The following DGKB variants were observed in gnomAD, a reference collection of about 807,000 sequenced individuals.
DGKB encodes 90 kDa diacylglycerol kinase.
DGKB carries 67 observed loss-of-function variants against 114.3 expected under a neutral mutation model. That is an observed-to-expected ratio of 0.59 (90% CI 0.48 to 0.72). The LOEUF (loss-of-function observed/expected upper bound fraction) is 0.72. Among genes scored for constraint, DGKB ranks in the 30% least tolerant of loss-of-function variants. The probability of loss-of-function intolerance (pLI) is 0.00; values close to 1 mark genes in which losing one functional copy is unlikely to be tolerated. For synonymous variants in DGKB, 398 were observed against 323.1 expected (o/e 1.23, Z -2.49); for missense variants, 907 against 975.2 (o/e 0.93, Z 0.93).
intron 20 of DGKB, among the ~76,000 whole-genome samples, chr7:14,498,108 C>T (rs1584398752): frequency 1.3e-5 from 2 of 151,754 alleles, no homozygotes; most frequent in Non-Finnish European, 2.9e-5. Flanking sequence ...AAATATTTTT[C>T]ACTTAAAAAG....
chr7:14,742,838 T>C (rs1435472050), intron 4 of DGKB, among the ~76,000 whole-genome samples: 1 of 152,174 alleles, frequency 6.6e-6, no homozygotes, highest in Non-Finnish European at 1.5e-5. Flanking sequence ...CAGGAAAAGA[T>C]TGTAAGAAGG....
intron 21 of DGKB, among the ~76,000 whole-genome samples, chr7:14,393,879 G>A (rs1199327298): frequency 6.6e-6 from 1 of 152,030 alleles, no homozygotes; most frequent in East Asian, 1.9e-4. Flanking sequence ...TGAAGATTGT[G>A]TATATCACCT....
chr7:14,582,215 A>G (rs979763448), intron 18 of DGKB, among the ~76,000 whole-genome samples: 1 of 152,152 alleles, frequency 6.6e-6, no homozygotes, highest in Non-Finnish European at 1.5e-5. Flanking sequence ...AAGAGTCAAT[A>G]TTTGTTTTGG....
chr7:14,427,013 T>C (rs1431567968), intron 21 of DGKB, among the ~76,000 whole-genome samples: 1 of 151,828 alleles, frequency 6.6e-6, no homozygotes, highest in Non-Finnish European at 1.5e-5. Context: ...TGAGCCAAGA[T>C]AGTGTCACTG....
intron 25 of DGKB, among the ~76,000 whole-genome samples, chr7:14,172,026 A>T (rs1224537982): frequency 2.6e-5 from 4 of 152,160 alleles, no homozygotes; most frequent in Non-Finnish European, 4.4e-5. Context: ...GGCTATTTGG[A>T]GAAAAAGGAG....
intron 1 of DGKB, among the ~76,000 whole-genome samples, chr7:14,871,581 G>C (rs1852465035): frequency 6.6e-6 from 1 of 152,068 alleles, no homozygotes; most frequent in Non-Finnish European, 1.5e-5. Context: ...TAGATACTTG[G>C]TATGCTATGA....
At chr7:14,795,687 G>C (rs191677175) in intron 2 of DGKB, among the ~76,000 whole-genome samples, 1 of 152,174 alleles carries the variant, frequency 6.6e-6, no homozygotes, top group African/African-American at 2.4e-5. Flanking sequence ...ACAAGGTAGA[G>C]CTGGTTACCT....
At chr7:14,315,863 A>C (rs1209081654) in intron 23 of DGKB, among the ~76,000 whole-genome samples, 2 of 150,362 alleles carry the variant, frequency 1.3e-5, no homozygotes, top group Non-Finnish European at 3.0e-5. Flanking sequence ...CCTATTCCAA[A>C]ATTGACCACA....
At chr7:14,184,702 T>C (rs1783140132) in intron 23 of DGKB, among the ~76,000 whole-genome samples, 1 of 152,016 alleles carries the variant, frequency 6.6e-6, no homozygotes, top group African/African-American at 2.4e-5. Context: ...CTCACCCTGG[T>C]AGTGGAAGAC....
intron 2 of DGKB, among the ~76,000 whole-genome samples, chr7:14,814,543 G>A (rs1194738586): frequency 6.6e-6 from 1 of 152,100 alleles, no homozygotes; most frequent in African/African-American, 2.4e-5. Flanking sequence ...TATTAAAAAT[G>A]AGTAATCTTC....
chr7:14,894,373 C>T (rs1469014269), intron 1 of DGKB, among the ~76,000 whole-genome samples: 2 of 151,360 alleles, frequency 1.3e-5, no homozygotes, highest in Non-Finnish European at 3.0e-5. Context: ...GGCACCTTCT[C>T]TTTGATCAGG....
intron 23 of DGKB, among the ~76,000 whole-genome samples, chr7:14,336,572 A>C (rs1270269337): frequency 6.6e-6 from 1 of 152,174 alleles, no homozygotes; most frequent in Non-Finnish European, 1.5e-5. Context: ...CCCAGAATTT[A>C]TGGGAAATTG....
In DGKB at chr7:14,457,165, C is replaced by T. The variant is rs920638946; in HGVS notation, c.1835+20996G>A. 4.6e-5 allele frequency among the ~76,000 whole-genome samples: 7 copies of T among 152,066 alleles called. No homozygotes were observed. In the East Asian group the frequency reaches 5.8e-4, roughly 13 times the overall value. On this transcript the variant is annotated intron_variant, in intron 21 of 25. Transcript: ENST00000402815. ...ATTGTACACAAGTTAAAAAGTATGC[C>T]GCATGTTAAAATAATATGATATCAT... is the stretch of plus-strand genomic sequence containing the variant.
At chr7:14,730,539 A>G (rs1830753239) in intron 5 of DGKB, among the ~76,000 whole-genome samples, 1 of 152,210 alleles carries the variant, frequency 6.6e-6, no homozygotes, top group Non-Finnish European at 1.5e-5. Context: ...CTGAGTGAGA[A>G]AAGCAGGTTT....
At chr7:14,737,892 CA>C (rs72307217) in intron 4 of DGKB, among the ~76,000 whole-genome samples, 28,125 of 104,400 alleles carry the variant, frequency 0.27, 4,370 homozygotes, top group African/African-American at 0.54. Context: ...GACTCCGTCT[CA>C]AAAAAAAAAA....
At chr7:14,957,439 G>A (rs570636157) in intron 1 of DGKB, among the ~76,000 whole-genome samples, 1 of 151,864 alleles carries the variant, frequency 6.6e-6, no homozygotes, top group Non-Finnish European at 1.5e-5. Context: ...TGATAACTGA[G>A]GTACAAAAGA....
At chr7:14,620,806 T>C (rs1263402027) in intron 15 of DGKB, among the ~76,000 whole-genome samples, 1 of 151,808 alleles carries the variant, frequency 6.6e-6, no homozygotes, top group African/African-American at 2.4e-5. Flanking sequence ...TTTTATATAA[T>C]AGTATTAAAA....
chr7:14,180,225 C>A (rs1384561247), intron 23 of DGKB, among the ~76,000 whole-genome samples: 1 of 152,100 alleles, frequency 6.6e-6, no homozygotes, highest in African/African-American at 2.4e-5. Context: ...TTAATTTCTG[C>A]AATGATCTGA....
rs184205475 is a variant in DGKB at position 14,222,180 on chromosome 7, C to T, written c.2123-44029G>A. ...TGCCTTAATCTTTGTTTTTTCCTTC[C>T]TTCTGCTTGCTTCAGGCTTAGTGTG... On this transcript the variant is annotated intron_variant, in intron 23 of 25. Transcript: ENST00000402815. Among the ~76,000 whole-genome samples the T allele has an allele frequency of 2.0e-4, 30 of 150,370 alleles. No individual in the cohort carries two copies. The East Asian group carries it at 5.7e-3, about 29-fold the overall frequency.
Sources: gnomAD v4.1 joint callset for allele counts (sites outside exome capture counted in the v4.1 genomes callset) on GRCh38, gnomAD v4.1.1 for gene constraint, MANE v1.5 for transcripts, NCBI Gene and HGNC (gene_info 2026-07-23, HGNC 2026-07-21) for gene names.